The following EFNA5 variants were observed in gnomAD, a reference collection of about 807,000 sequenced individuals.
EFNA5 encodes ephrin A5, also known as ephrin-A5.
A neutral mutation model predicts 22.9 loss-of-function variants in EFNA5; 5 were observed. The ratio of observed to expected loss-of-function variants is 0.22; its 90% CI spans 0.11 to 0.46. The LOEUF (loss-of-function observed/expected upper bound fraction) is 0.46. Among genes scored for constraint, EFNA5 ranks in the 20% least tolerant of loss-of-function variants. The pLI, the probability that EFNA5 is intolerant of heterozygous loss-of-function variation, is 0.99. For missense variants in EFNA5, 237 were observed against 293.3 expected (o/e 0.81, Z 1.40); for synonymous variants, 113 against 112.2 (o/e 1.01, Z -0.04).
intron 2 of EFNA5, among the ~76,000 whole-genome samples, chr5:107,413,988 C>A (rs893581243): frequency 6.6e-6 from 1 of 152,148 alleles, no homozygotes; most frequent in Admixed American, 6.5e-5. Context: ...GTACTGTTGA[C>A]ATGACCCTTC....
intron 2 of EFNA5, among the ~76,000 whole-genome samples, chr5:107,394,531 A>C (rs1352512109): frequency 6.6e-6 from 1 of 152,234 alleles, no homozygotes; most frequent in East Asian, 1.9e-4. Context: ...AACTGTAACA[A>C]GGAAAAAATA....
At chr5:107,569,834 CAAAA>C (rs67306022) in intron 1 of EFNA5, among the ~76,000 whole-genome samples, 6 of 86,578 alleles carry the variant, frequency 6.9e-5, no homozygotes, top group Middle Eastern at 6.3e-3. Flanking sequence ...CCTGGGAGAC[CAAAA>C]AAAAAAAAAA....
chr5:107,603,570 G>A (rs1749649310), intron 1 of EFNA5, among the ~76,000 whole-genome samples: 1 of 152,118 alleles, frequency 6.6e-6, no homozygotes, highest in African/African-American at 2.4e-5. Context: ...TTACTACTGT[G>A]GCTCACCTAC....
At chr5:107,424,272 T>C (rs1748749114) in intron 2 of EFNA5, among the ~76,000 whole-genome samples, 1 of 137,456 alleles carries the variant, frequency 7.3e-6, no homozygotes, top group Non-Finnish European at 1.5e-5. Context: ...AGTGGCTCAA[T>C]CTCGGCTCAC....
intron 1 of EFNA5, among the ~76,000 whole-genome samples, chr5:107,660,295 T>G: frequency 8.5e-6 from 1 of 117,664 alleles, no homozygotes; most frequent in Non-Finnish European, 1.8e-5. Context: ...TATATATATA[T>G]ATATATATAT....
intron 1 of EFNA5, among the ~76,000 whole-genome samples, chr5:107,498,229 T>C (rs1362056826): frequency 6.6e-6 from 1 of 152,256 alleles, no homozygotes; most frequent in Non-Finnish European, 1.5e-5. Context: ...AATTTATCTT[T>C]ATATGGTACA....
chr5:107,471,122 C>A (rs1281361340), intron 1 of EFNA5, among the ~76,000 whole-genome samples: 3 of 152,156 alleles, frequency 2.0e-5, no homozygotes, highest in African/African-American at 7.2e-5. Flanking sequence ...AGGTTAGGAA[C>A]CCCAGTGACT....
intron 1 of EFNA5, among the ~76,000 whole-genome samples, chr5:107,623,024 T>C (rs1362616452): frequency 1.7e-5 from 1 of 57,382 alleles, no homozygotes; most frequent in Non-Finnish European, 2.7e-5. Context: ...CGAGACTCCG[T>C]CTCAAAAAAA....
At chr5:107,574,795 G>A (rs1402905832) in intron 1 of EFNA5, among the ~76,000 whole-genome samples, 1 of 152,200 alleles carries the variant, frequency 6.6e-6, no homozygotes, top group Admixed American at 6.5e-5. Context: ...AAAAAGGCTG[G>A]TGAGATTCAA....
chr5:107,459,001 C>T (rs1051776811), intron 1 of EFNA5, among the ~76,000 whole-genome samples: 2 of 152,122 alleles, frequency 1.3e-5, no homozygotes, highest in African/African-American at 4.8e-5. Flanking sequence ...CCAAAATATA[C>T]TTTTCCATAA....
Position 107,452,693 on chromosome 5 carries a change from C to T in EFNA5, c.126-25184G>A, listed in dbSNP as rs574693081. Among the ~76,000 whole-genome samples, 20 of 152,326 alleles carry T rather than the reference C, an allele frequency of 1.3e-4. No homozygotes were observed. In the South Asian group the frequency reaches 3.9e-3, roughly 30 times the overall value. The stretch of plus-strand genomic sequence containing the variant: ...AGTGAATCGTGATTGAGCCACTGTA[C>T]TTACTCCAGCCTGGGCTCAGAATGA... On this transcript the variant is annotated intron_variant, in intron 1 of 4. Coordinates refer to ENST00000333274, the MANE Select transcript of EFNA5 (RefSeq NM_001962.3).
rs562614333 is a variant in EFNA5 at position 107,567,995 on chromosome 5, C to T, written c.125+102494G>A. On this transcript the variant is annotated intron_variant, in intron 1 of 4. Coordinates refer to ENST00000333274, the MANE Select transcript of EFNA5 (RefSeq NM_001962.3). The stretch of plus-strand genomic sequence containing the variant: ...CACTGCAGCCTCGACCTCCTGGGCT[C>T]AGATGATCTTCCCACCTCAGCTTCC... 7.2e-5 allele frequency among the ~76,000 whole-genome samples: 11 copies of T among 152,316 alleles called. No homozygotes were observed. The South Asian group carries it at 2.3e-3, about 32-fold the overall frequency.
intron 1 of EFNA5, among the ~76,000 whole-genome samples, chr5:107,505,872 A>G (rs1453096054): frequency 6.6e-6 from 1 of 151,758 alleles, no homozygotes; most frequent in Admixed American, 6.6e-5. Flanking sequence ...AATTATGATC[A>G]TCAACATCAG....
Position 107,380,481 on chromosome 5 carries a change from A to C in EFNA5, c.*774T>G, listed in dbSNP as rs1389585069. 4.1e-6 allele frequency: 1 copy of C among 244,770 alleles called. No homozygotes were observed. The highest frequency in any genetic ancestry group is 7.6e-6 in the Non-Finnish European group (1 of 130,808). The allele number at this position is 244,770 out of a possible 1,614,324, so 15.2% of individuals were successfully genotyped here. A position where few individuals can be genotyped will look rare whatever the true frequency, so the allele number is the denominator to read the frequency against. On this transcript the variant is annotated 3_prime_UTR_variant, in exon 5 of 5. Transcript: ENST00000333274. Reference sequence around the variant, plus strand: ...TGTGCACTGCCCAGTCACCAAAAAAATTAGAGGCACTCACACATACACACC... The same window carrying C: ...TGTGCACTGCCCAGTCACCAAAAAACTTAGAGGCACTCACACATACACACC...
chr5:107,669,653 C>T (rs1016318353), intron 1 of EFNA5, among the ~76,000 whole-genome samples: 1 of 152,126 alleles, frequency 6.6e-6, no homozygotes, highest in Non-Finnish European at 1.5e-5. Flanking sequence ...CGGCGGGCTT[C>T]GGGACGCCTA....
At chr5:107,495,309 G>A (rs1396231911) in intron 1 of EFNA5, among the ~76,000 whole-genome samples, 1 of 152,136 alleles carries the variant, frequency 6.6e-6, no homozygotes, top group African/African-American at 2.4e-5. Context: ...CGCCTTAAGA[G>A]CTGTAACACT....
chr5:107,483,948 C>T (rs1750550692), intron 1 of EFNA5, among the ~76,000 whole-genome samples: 1 of 152,138 alleles, frequency 6.6e-6, no homozygotes, highest in South Asian at 2.1e-4. Flanking sequence ...GTGGCAGAAA[C>T]CTACCTCAGA....
chr5:107,663,123 T>C (rs1357684417), intron 1 of EFNA5, among the ~76,000 whole-genome samples: 2 of 152,084 alleles, frequency 1.3e-5, no homozygotes, highest in Non-Finnish European at 2.9e-5. Flanking sequence ...AAAATGATCA[T>C]AAAGTGGTTT....
At chr5:107,605,244 A>T (rs1749689935) in intron 1 of EFNA5, among the ~76,000 whole-genome samples, 2 of 152,006 alleles carry the variant, frequency 1.3e-5, no homozygotes, top group South Asian at 4.2e-4. Context: ...TCTTATGGGT[A>T]TTAGGAAGGA....
Sources: allele counts gnomAD v4.1 joint callset (sites outside exome capture counted in the v4.1 genomes callset), GRCh38; gene constraint gnomAD v4.1.1; transcripts MANE v1.5; gene names NCBI Gene and HGNC (gene_info 2026-07-23, HGNC 2026-07-21).